Variants in MAGI3 observed in about 807,000 individuals in gnomAD.
MAGI3 encodes membrane-associated guanylate kinase, WW and PDZ domain-containing protein 3.
MAGI3 carries 43 observed loss-of-function variants against 121.8 expected under a neutral mutation model. That is an observed-to-expected ratio of 0.35 (90% CI 0.28 to 0.46). The LOEUF is 0.46. Ranked by LOEUF, MAGI3 falls within the 20% of genes least tolerant of loss-of-function variation. MAGI3 has a pLI of 1.00. For missense variants in MAGI3, 1,547 were observed against 1,797.3 expected (o/e 0.86, Z 2.52); for synonymous variants, 553 against 639.3 (o/e 0.86, Z 2.04).
chr1:113,436,685 A>AT (rs563391880), intron 1 of MAGI3, among the ~76,000 whole-genome samples: 1,546 of 150,568 alleles, frequency 0.01, 30 homozygotes, highest in African/African-American at 0.035. Flanking sequence ...AATAAACATC[A>AT]TTTTTTTTTA....
chr1:113,605,929 A>C (rs1649742626), intron 6 of MAGI3, among the ~76,000 whole-genome samples: 1 of 151,680 alleles, frequency 6.6e-6, no homozygotes, highest in South Asian at 2.1e-4. Flanking sequence ...AAGGGCACTT[A>C]AGAGTTGTGC....
chr1:113,465,945 C>T (rs900031425), intron 1 of MAGI3, among the ~76,000 whole-genome samples: 1 of 152,112 alleles, frequency 6.6e-6, no homozygotes, highest in African/African-American at 2.4e-5. Context: ...TGTCTGCAAA[C>T]AAGACTAATT....
chr1:113,641,972 C>G lies in MAGI3; in HGVS notation c.1422C>G (p.Val474=). The change falls in exon 10 of 21, where the codon GTC becomes GTG. Residue 474 remains valine, a synonymous_variant. Coordinates refer to ENST00000307546, the MANE Select transcript of MAGI3 (RefSeq NM_001142782.2). The part of the protein sequence containing the change: ...CVLGHTHADV[V]QMFQLVPVNQ... ...TCGGTCACACTCATGCAGATGTTGT[C>G]CAGATGTTTCAATTGGTACCTGTCA... 1 of 1,613,498 alleles carries G rather than the reference C, an allele frequency of 6.2e-7. No homozygotes were observed. The highest frequency in any genetic ancestry group is 8.5e-7 in the Non-Finnish European group (1 of 1,179,542).
At chr1:113,612,092 CA>C (rs1167834566) in intron 6 of MAGI3, among the ~76,000 whole-genome samples, 1 of 151,982 alleles carries the variant, frequency 6.6e-6, no homozygotes, top group Non-Finnish European at 1.5e-5. Flanking sequence ...TACAGGCGTG[CA>C]CCACCACACC....
At chr1:113,405,485 A>AG (rs1160432620) in intron 1 of MAGI3, among the ~76,000 whole-genome samples, 1 of 135,496 alleles carries the variant, frequency 7.4e-6, no homozygotes, top group East Asian at 1.9e-4. Context: ...AAAAAAAAAA[A>AG]AAAAAAAAAA....
intron 1 of MAGI3, among the ~76,000 whole-genome samples, chr1:113,526,486 A>G (rs1658459716): frequency 6.6e-6 from 1 of 152,202 alleles, no homozygotes; most frequent in African/African-American, 2.4e-5. Context: ...AGAACCTAAT[A>G]TTTGAGGAAT....
At chr1:113,437,876 T>TTCTTCCTCTTCC (rs1653688447) in intron 1 of MAGI3, among the ~76,000 whole-genome samples, 1 of 3,276 alleles carries the variant, frequency 3.1e-4, no homozygotes. Flanking sequence ...CTTCTTCTTC[T>TTCTTCCTCTTCC]TCTCCTTCTC....
Position 113,462,806 on chromosome 1 carries a change from T to C in MAGI3, c.316+71457T>C, listed in dbSNP as rs374469150. ...AGCATCCTTTTAGGCAATTCTATTATTCTTACAATTTTAGATTTTTAAAAA... is the reference window on the plus strand; with the variant it reads ...AGCATCCTTTTAGGCAATTCTATTACTCTTACAATTTTAGATTTTTAAAAA... On this transcript the variant is annotated intron_variant, in intron 1 of 20. Coordinates refer to ENST00000307546, the MANE Select transcript of MAGI3 (RefSeq NM_001142782.2). Among the ~76,000 whole-genome samples, 43 of 152,280 alleles carry C rather than the reference T, an allele frequency of 2.8e-4. 1 individual carries two copies. The South Asian group carries it at 8.9e-3, about 32-fold the overall frequency.
intron 1 of MAGI3, among the ~76,000 whole-genome samples, chr1:113,480,967 C>T (rs552334551): frequency 3.2e-4 from 49 of 152,250 alleles, no homozygotes; most frequent in African/African-American, 1.1e-3. Context: ...TCCACAAAAG[C>T]CAGAAGAAGG....
intron 15 of MAGI3, among the ~76,000 whole-genome samples, chr1:113,656,936 C>T (rs774389479): frequency 3.9e-5 from 6 of 152,166 alleles, no homozygotes; most frequent in South Asian, 4.1e-4. Context: ...TAAGAAGACT[C>T]GGCTAGTTTT....
chr1:113,514,551 C>T (rs1478363100), intron 1 of MAGI3, among the ~76,000 whole-genome samples: 1 of 151,554 alleles, frequency 6.6e-6, no homozygotes, highest in African/African-American at 2.4e-5. Context: ...CGCATATTCT[C>T]ACTCATAGGT....
intron 1 of MAGI3, among the ~76,000 whole-genome samples, chr1:113,539,197 A>G (rs1200449470): frequency 1.3e-5 from 2 of 152,174 alleles, no homozygotes; most frequent in Non-Finnish European, 2.9e-5. Flanking sequence ...GATCGAGACC[A>G]TCCTGGCCAA....
intron 2 of MAGI3, among the ~76,000 whole-genome samples, chr1:113,557,478 C>G (rs542860615): frequency 6.0e-4 from 91 of 152,192 alleles, no homozygotes; most frequent in Non-Finnish European, 1.1e-3. Flanking sequence ...GACTCTGATC[C>G]GCTCCTCATC....
At chr1:113,523,541 T>A (rs939852869) in intron 1 of MAGI3, among the ~76,000 whole-genome samples, 1 of 152,194 alleles carries the variant, frequency 6.6e-6, no homozygotes, top group African/African-American at 2.4e-5. Flanking sequence ...ACTCTTGTTA[T>A]GTTTTAGCAA....
intron 3 of MAGI3, among the ~76,000 whole-genome samples, chr1:113,582,237 A>G (rs1399740610): frequency 1.3e-5 from 2 of 152,056 alleles, no homozygotes; most frequent in African/African-American, 4.8e-5. Flanking sequence ...GTAGCTGGTA[A>G]ATTTGAAGAT....
intron 1 of MAGI3, among the ~76,000 whole-genome samples, chr1:113,482,557 G>GAAC (rs1211330884): frequency 6.7e-6 from 1 of 149,954 alleles, no homozygotes; most frequent in Non-Finnish European, 1.5e-5. Flanking sequence ...GGCTGGTGTT[G>GAAC]AACTCCTAAG....
chr1:113,549,388 C>A (rs1158065629), intron 1 of MAGI3, 127 bp from the exon 2 acceptor site: 4 of 491,180 alleles, frequency 8.1e-6, no homozygotes, highest in African/African-American at 2.0e-5. Context: ...TAGTAAAATT[C>A]TCTGATTTCT....
rs532333243 is a variant in MAGI3 at position 113,441,607 on chromosome 1, C to T, written c.316+50258C>T. Among the ~76,000 whole-genome samples the T allele has an allele frequency of 9.2e-5, 14 of 152,248 alleles. 1 individual carries two copies. The South Asian group carries it at 2.7e-3, about 29-fold the overall frequency. On this transcript the variant is annotated intron_variant, in intron 1 of 20. Transcript: ENST00000307546. The stretch of plus-strand genomic sequence containing the variant: ...GACTGCCAACCAATTTGAAAACAAA[C>T]ATTCAGAGTAGAATATATTAAATCA...
rs1470709053 is a variant in MAGI3 at position 113,668,462 on chromosome 1, G to A, written c.2816-3272G>A. 3.9e-5 allele frequency among the ~76,000 whole-genome samples: 6 copies of A among 151,964 alleles called. No homozygotes were observed. The East Asian group carries it at 1.2e-3, about 29-fold the overall frequency. On this transcript the variant is annotated intron_variant, in intron 16 of 20. Transcript: ENST00000307546. ...AATAGCTTATAACAGAAAAAAAATG[G>A]AGAAGCCATGTAGCACGGGTTGAAG...
Sources: allele counts gnomAD v4.1 joint callset (sites outside exome capture counted in the v4.1 genomes callset), GRCh38; gene constraint gnomAD v4.1.1; transcripts MANE v1.5; gene names NCBI Gene and HGNC (gene_info 2026-07-23, HGNC 2026-07-21).